Variants in PHACTR3 observed in about 807,000 individuals in gnomAD.
The protein encoded by PHACTR3 is protein phosphatase 1, regulatory subunit 123.
A neutral mutation model predicts 66.8 loss-of-function variants in PHACTR3; 16 were observed. The observed-to-expected ratio is 0.24, with a 90% CI of 0.16 to 0.36. PHACTR3 has a LOEUF of 0.36. PHACTR3 is among the 10% of genes least tolerant of loss of function. The pLI is 1.00. For synonymous variants in PHACTR3, 323 were observed against 292.1 expected (o/e 1.11, Z -1.08); for missense variants, 647 against 719.9 (o/e 0.90, Z 1.16).
At chr20:59,687,049 G>A (rs202033483) in intron 1 of PHACTR3, among the ~76,000 whole-genome samples, 1 of 149,618 alleles carries the variant, frequency 6.7e-6, no homozygotes, top group African/African-American at 2.5e-5. Context: ...GATGATGGTG[G>A]TGATTGTGAT....
chr20:59,811,724 G>C (rs747583497), intron 8 of PHACTR3, among the ~76,000 whole-genome samples: 1 of 152,032 alleles, frequency 6.6e-6, no homozygotes, highest in Non-Finnish European at 1.5e-5. Context: ...ACATCCTCAG[G>C]GGGAACATAT....
rs533078051 is a variant in PHACTR3 at position 59,838,705 on chromosome 20, A to T, written c.1385-1664A>T. 2.2e-3 allele frequency among the ~76,000 whole-genome samples: 331 copies of T among 152,290 alleles called. 5 individuals carry two copies. The highest frequency in any genetic ancestry group is 0.017 in the South Asian group (82 of 4,826). On this transcript the variant is annotated intron_variant, in intron 9 of 12. Transcript: ENST00000371015. Reference sequence around the variant, plus strand: ...ACTACTGCATCAGAAGCAGTAATACATTTCTGGATATTCATGGAAGTCTCA... The same window carrying T: ...ACTACTGCATCAGAAGCAGTAATACTTTTCTGGATATTCATGGAAGTCTCA...
At chr20:59,787,060 C>T (rs1003333409) in intron 7 of PHACTR3, among the ~76,000 whole-genome samples, 2 of 152,220 alleles carry the variant, frequency 1.3e-5, no homozygotes, top group Admixed American at 6.5e-5. Context: ...AGAGGAAACC[C>T]TGTCACTTGT....
At chr20:59,844,220 G>A (rs921645352) in intron 11 of PHACTR3, 1 of 152,130 alleles carries the variant, frequency 6.6e-6, no homozygotes, top group Non-Finnish European at 1.5e-5. Context: ...TGATGGGAAT[G>A]TAAATTAATG....
At chr20:59,723,094 CTTTCT>C (rs2038402726) in intron 1 of PHACTR3, among the ~76,000 whole-genome samples, 1 of 140,724 alleles carries the variant, frequency 7.1e-6, no homozygotes. Context: ...TTCTTTCTTT[CTTTCT>C]TTCTTTCTTT....
At chr20:59,811,734 T>C (rs2426846) in intron 8 of PHACTR3, among the ~76,000 whole-genome samples, 29,545 of 151,690 alleles carry the variant, frequency 0.19, 3,622 homozygotes, top group Middle Eastern at 0.3. Flanking sequence ...GGGGAACATA[T>C]AGAAAGAGAC....
At chr20:59,689,060 A>T (rs574170410) in intron 1 of PHACTR3, among the ~76,000 whole-genome samples, 1 of 152,160 alleles carries the variant, frequency 6.6e-6, no homozygotes, top group Non-Finnish European at 1.5e-5. Context: ...TTCTCTAGAT[A>T]CCCACACTAT....
intron 1 of PHACTR3, among the ~76,000 whole-genome samples, chr20:59,740,437 T>C (rs2039111870): frequency 6.6e-6 from 1 of 152,114 alleles, no homozygotes; most frequent in Non-Finnish European, 1.5e-5. Context: ...GACTCTTAAG[T>C]AGCATGCACC....
chr20:59,807,061 G>A (rs761462956), intron 8 of PHACTR3, among the ~76,000 whole-genome samples: 5 of 152,230 alleles, frequency 3.3e-5, no homozygotes, highest in Admixed American at 1.3e-4. Context: ...AGGCTAGCAC[G>A]CGACCGTGCA....
rs527897957 is a variant in PHACTR3, at chr20:59,745,864, C to T, written c.281-1894C>T. Among the ~76,000 whole-genome samples the T allele has an allele frequency of 3.9e-5, 6 of 152,298 alleles. No individual in the cohort carries two copies. In the South Asian group the frequency reaches 1.0e-3, roughly 26 times the overall value. ...CCCCGAGAGGGGGAGGGTAGAGCCT[C>T]GCAGCTGCATCTTTGGGTCATCGGG... On this transcript the variant is annotated intron_variant, in intron 2 of 12. Transcript: ENST00000371015.
intron 6 of PHACTR3, 44 bp downstream of exon 6, chr20:59,773,497 C>G (rs768242767): frequency 1.3e-6 from 2 of 1,539,588 alleles, no homozygotes; most frequent in African/African-American, 2.7e-5. Flanking sequence ...GCCAGAATCC[C>G]TGCCTGGCCA....
Position 59,773,467 on chromosome 20 carries a change from C to A in PHACTR3, c.926+14C>A, listed in dbSNP as rs756153691. 6.3e-7 allele frequency: 1 copy of A among 1,589,834 alleles called. No homozygotes were observed. Among genetic ancestry groups the A allele is most frequent in the South Asian group, 1.1e-5 (1 of 88,566 alleles). ...CCGCCAGGACAGGTGAGGCCCTGCC[C>A]CATGAGGGAGACCTGTGCTGCCAGA... On this transcript the variant is annotated intron_variant, in intron 6 of 12. Coordinates refer to ENST00000371015, the MANE Select transcript of PHACTR3 (RefSeq NM_080672.5).
intron 2 of PHACTR3, among the ~76,000 whole-genome samples, chr20:59,745,488 C>T (rs747288071): frequency 6.6e-5 from 10 of 152,354 alleles, no homozygotes; most frequent in Non-Finnish European, 1.0e-4. Context: ...GACCGCCATT[C>T]GGGCATCTGG....
At chr20:59,645,937 C>G (rs2035269273) in intron 1 of PHACTR3, among the ~76,000 whole-genome samples, 1 of 152,144 alleles carries the variant, frequency 6.6e-6, no homozygotes, top group Admixed American at 6.5e-5. Context: ...GGCCTCTGCC[C>G]TCTGCTGGTC....
chr20:59,771,910 T>A (rs1463944060), intron 5 of PHACTR3, among the ~76,000 whole-genome samples: 1 of 152,214 alleles, frequency 6.6e-6, no homozygotes, highest in Non-Finnish European at 1.5e-5. Context: ...GTAGTTTAGA[T>A]CTGGTTGTTT....
chr20:59,724,816 T>C (rs1242639522), intron 1 of PHACTR3, among the ~76,000 whole-genome samples: 1 of 152,246 alleles, frequency 6.6e-6, no homozygotes, highest in East Asian at 1.9e-4. Flanking sequence ...TGTGCAACAT[T>C]CACTAATTGA....
intron 1 of PHACTR3, among the ~76,000 whole-genome samples, chr20:59,667,886 C>T (rs559604413): frequency 1.5e-4 from 23 of 152,348 alleles, no homozygotes; most frequent in African/African-American, 5.3e-4. Context: ...AAACCTCCTA[C>T]TTAATCACTG....
At chr20:59,799,910 T>A (rs1021413780) in intron 7 of PHACTR3, among the ~76,000 whole-genome samples, 1 of 152,176 alleles carries the variant, frequency 6.6e-6, no homozygotes, top group Admixed American at 6.5e-5. Flanking sequence ...ATTGAGTGAT[T>A]CTTTTATTCC....
At chr20:59,657,590 G>A (rs1028540405) in intron 1 of PHACTR3, among the ~76,000 whole-genome samples, 1 of 152,032 alleles carries the variant, frequency 6.6e-6, no homozygotes, top group African/African-American at 2.4e-5. Context: ...GTTAACAGTT[G>A]TTTTATTTTC....
Sources: gnomAD v4.1 joint callset for allele counts (sites outside exome capture counted in the v4.1 genomes callset) on GRCh38, gnomAD v4.1.1 for gene constraint, MANE v1.5 for transcripts, NCBI Gene and HGNC (gene_info 2026-07-23, HGNC 2026-07-21) for gene names.